NCOA2: variants seen among roughly 807,000 people sequenced by gnomAD.
NCOA2 encodes the protein nuclear receptor coactivator 2, also known as class E basic helix-loop-helix protein 75.
Under a neutral mutation model 145.1 loss-of-function variants are expected in NCOA2, and 21 were observed. The ratio of observed to expected loss-of-function variants is 0.14; its 90% CI spans 0.10 to 0.21. The LOEUF (loss-of-function observed/expected upper bound fraction) is 0.21, where lower values mean the gene tolerates loss of function less well. Ranked by LOEUF, NCOA2 falls within the 10% of genes least tolerant of loss-of-function variation. The pLI is 1.00. For missense variants in NCOA2, 1,472 were observed against 1,837.6 expected (o/e 0.80, Z 3.64); for synonymous variants, 619 against 637.5 (o/e 0.97, Z 0.44).
intron 20 of NCOA2, 104 bp downstream of exon 20, chr8:70,124,584 T>G: frequency 8.5e-7 from 1 of 1,182,358 alleles, no homozygotes. Flanking sequence ...ATCACTACGT[T>G]TGATAAAAAC....
At chr8:70,249,977 A>AAAAAAAAAAAAAAG (rs751876043) in intron 2 of NCOA2, among the ~76,000 whole-genome samples, 9 of 137,906 alleles carry the variant, frequency 6.5e-5, no homozygotes, top group Non-Finnish European at 1.1e-4. Flanking sequence ...AAAAAAAAAA[A>AAAAAAAAAAAAAAG]AAGAAGAAGA....
At chr8:70,436,088 A>C in the NCOA2 span, among the ~76,000 whole-genome samples, 1 of 152,204 alleles carries the variant, frequency 6.6e-6, no homozygotes, top group Non-Finnish European at 1.5e-5. Flanking sequence ...TTAAAGGAAA[A>C]AAAGTAATTC....
At chr8:70,212,054 T>G (rs1819086529) in intron 4 of NCOA2, among the ~76,000 whole-genome samples, 2 of 145,336 alleles carry the variant, frequency 1.4e-5, no homozygotes, top group Admixed American at 6.8e-5. Flanking sequence ...GTGCAAGACC[T>G]TCTTTGTGGC....
chr8:70,241,212 T>C (rs996219478), intron 2 of NCOA2, among the ~76,000 whole-genome samples: 3 of 152,116 alleles, frequency 2.0e-5, no homozygotes, highest in African/African-American at 7.2e-5. Flanking sequence ...AAGTTCTCCA[T>C]TTGCCAAGAA....
intron 2 of NCOA2, among the ~76,000 whole-genome samples, chr8:70,240,810 C>T (rs1213361097): frequency 1.3e-5 from 2 of 152,084 alleles, no homozygotes; most frequent in Non-Finnish European, 2.9e-5. Context: ...GGAACCTAGC[C>T]CTCAATTTTC....
chr8:70,162,878 T>C (rs72663933), intron 8 of NCOA2, 24 bp from the exon 9 acceptor site: 191,797 of 1,567,538 alleles, frequency 0.12, 13,002 homozygotes, highest in Middle Eastern at 0.18. Flanking sequence ...GCAGGCATTA[T>C]ACCTACATGT....
At chr8:70,195,481 G>A (rs1817194365) in intron 4 of NCOA2, among the ~76,000 whole-genome samples, 1 of 152,130 alleles carries the variant, frequency 6.6e-6, no homozygotes, top group Admixed American at 6.5e-5. Context: ...GGCACATATA[G>A]GACCCATACA....
the NCOA2 span, among the ~76,000 whole-genome samples, chr8:70,427,436 C>A: frequency 6.6e-6 from 1 of 152,038 alleles, no homozygotes; most frequent in Non-Finnish European, 1.5e-5. Context: ...AGTGTAACAC[C>A]TTTTCATTTA....
chr8:70,215,521 A>C (rs1197718947), intron 3 of NCOA2, among the ~76,000 whole-genome samples: 2 of 152,138 alleles, frequency 1.3e-5, no homozygotes, highest in Non-Finnish European at 2.9e-5. Flanking sequence ...ATTGGGCTTG[A>C]TGTTTTGCTT....
intron 4 of NCOA2, among the ~76,000 whole-genome samples, chr8:70,194,007 A>G (rs1247568486): frequency 2.0e-5 from 3 of 152,200 alleles, no homozygotes; most frequent in African/African-American, 7.2e-5. Context: ...GACAGCTCCA[A>G]CTGGACTCTA....
At chr8:70,364,049 A>G (rs926638545) in intron 1 of NCOA2, among the ~76,000 whole-genome samples, 3 of 148,766 alleles carry the variant, frequency 2.0e-5, no homozygotes, top group African/African-American at 7.6e-5. Flanking sequence ...CAAAGAATGG[A>G]AAAAAAAAAT....
At chr8:70,341,264 A>G (rs148906391) in intron 1 of NCOA2, among the ~76,000 whole-genome samples, 1 of 152,148 alleles carries the variant, frequency 6.6e-6, no homozygotes, top group African/African-American at 2.4e-5. Flanking sequence ...ATGCCAGCAC[A>G]TGCCTGTAGT....
chr8:70,361,606 A>T (rs1056593368), intron 1 of NCOA2, among the ~76,000 whole-genome samples: 2 of 152,252 alleles, frequency 1.3e-5, no homozygotes, highest in African/African-American at 4.8e-5. Context: ...ACATTTTGAC[A>T]TATATTATCT....
At chr8:70,181,079 C>A (rs1331116218) in intron 4 of NCOA2, among the ~76,000 whole-genome samples, 3 of 152,156 alleles carry the variant, frequency 2.0e-5, no homozygotes, top group African/African-American at 7.2e-5. Context: ...ATTAGGTACT[C>A]TTAATCAATT....
chr8:70,403,219 C>T (rs1311581510), intron 1 of NCOA2, among the ~76,000 whole-genome samples: 2 of 151,290 alleles, frequency 1.3e-5, no homozygotes. Context: ...TGCCGCGCTG[C>T]CCCCGAGGGG....
intron 1 of NCOA2, among the ~76,000 whole-genome samples, chr8:70,365,696 C>T (rs1311359237): frequency 6.6e-6 from 1 of 152,148 alleles, no homozygotes; most frequent in African/African-American, 2.4e-5. Flanking sequence ...ATAAGTGTTC[C>T]ACACTAGAGA....
intron 2 of NCOA2, among the ~76,000 whole-genome samples, chr8:70,272,795 T>TA (rs1173255796): frequency 1.3e-5 from 2 of 152,186 alleles, no homozygotes; most frequent in Non-Finnish European, 2.9e-5. Flanking sequence ...AAATTCTCTT[T>TA]AAAGATGTAA....
intron 4 of NCOA2, among the ~76,000 whole-genome samples, chr8:70,213,244 G>A (rs1040662228): frequency 4.6e-5 from 7 of 152,008 alleles, no homozygotes; most frequent in Non-Finnish European, 8.8e-5. Flanking sequence ...TTTATTTTTG[G>A]CACCACAAAG....
At chr8:70,403,901 G>A (rs1814628786), upstream of NCOA2, 3 of 370,756 alleles carry the variant, frequency 8.1e-6, no homozygotes, top group Admixed American at 9.2e-5. Flanking sequence ...CTTGCGGAGA[G>A]ACAGACAGCG....
Sources: gnomAD v4.1 joint callset for allele counts (sites outside exome capture counted in the v4.1 genomes callset) on GRCh38, gnomAD v4.1.1 for gene constraint, MANE v1.5 for transcripts, NCBI Gene and HGNC (gene_info 2026-07-23, HGNC 2026-07-21) for gene names.